GSE1: variants seen among roughly 807,000 people sequenced by gnomAD.
GSE1 encodes genetic suppressor element 1.
A neutral mutation model predicts 112.6 loss-of-function variants in GSE1; 32 were observed. The ratio of observed to expected loss-of-function variants is 0.28; its 90% CI spans 0.21 to 0.38. The LOEUF (loss-of-function observed/expected upper bound fraction) is 0.38. Among genes scored for constraint, GSE1 ranks in the 10% least tolerant of loss-of-function variants. GSE1 has a pLI of 1.00. For synonymous variants in GSE1, 1,115 were observed against 735.6 expected (o/e 1.52, Z -8.35); for missense variants, 2,348 against 1,699.2 (o/e 1.38, Z -6.71).
intron 2 of GSE1, among the ~76,000 whole-genome samples, chr16:85,538,201 G>T (rs760598109): frequency 6.6e-6 from 1 of 152,202 alleles, no homozygotes; most frequent in Non-Finnish European, 1.5e-5. Context: ...GTGGCCGCCC[G>T]GCTGGCCCGC....
chr16:85,614,167 T>G (rs562075470), intron 1 of GSE1, among the ~76,000 whole-genome samples: 1 of 130,378 alleles, frequency 7.7e-6, no homozygotes, highest in Non-Finnish European at 1.6e-5. Context: ...CCACCCGCAC[T>G]GGCCTTTTTC....
chr16:85,402,493 G>A (rs972798311), intron 2 of GSE1, among the ~76,000 whole-genome samples: 2 of 152,238 alleles, frequency 1.3e-5, no homozygotes, highest in African/African-American at 4.8e-5. Flanking sequence ...TGAGGCTGGA[G>A]ATGGGAGAGT....
intron 1 of GSE1, among the ~76,000 whole-genome samples, chr16:85,300,636 C>T (rs111465984): frequency 0.031 from 4,675 of 152,286 alleles, 230 homozygotes; most frequent in African/African-American, 0.1. Context: ...CCTCTCTCGC[C>T]GAGGAATAGT....
intron 1 of GSE1, among the ~76,000 whole-genome samples, chr16:85,624,916 C>T (rs1320548232): frequency 6.6e-6 from 1 of 152,216 alleles, no homozygotes; most frequent in Non-Finnish European, 1.5e-5. Flanking sequence ...GCCCCAGCGG[C>T]CTGTGTCACT....
chr16:85,371,639 CT>C (rs1399186864), intron 2 of GSE1, among the ~76,000 whole-genome samples: 1 of 152,196 alleles, frequency 6.6e-6, no homozygotes, highest in East Asian at 1.9e-4. Context: ...GCTGGCACCC[CT>C]ATTGTACTGT....
At chr16:85,619,221 C>T (rs569553332) in intron 1 of GSE1, among the ~76,000 whole-genome samples, 18 of 152,302 alleles carry the variant, frequency 1.2e-4, no homozygotes, top group Middle Eastern at 3.4e-3. Context: ...GCCCAGGTGG[C>T]GGGAGATGCT....
chr16:85,305,421 A>G (rs1349190538), intron 1 of GSE1, among the ~76,000 whole-genome samples: 1 of 151,834 alleles, frequency 6.6e-6, no homozygotes, highest in Non-Finnish European at 1.5e-5. Flanking sequence ...AAGTGCTTGG[A>G]TTGCAGGCAT....
intron 1 of GSE1, among the ~76,000 whole-genome samples, chr16:85,588,791 C>G (rs114143921): frequency 0.013 from 2,029 of 152,238 alleles, 35 homozygotes; most frequent in African/African-American, 0.045. Context: ...GGCCCGGGGA[C>G]GCTGGAGGGC....
chr16:85,448,520 G>C (rs1243768387), intron 2 of GSE1, among the ~76,000 whole-genome samples: 2 of 152,220 alleles, frequency 1.3e-5, no homozygotes, highest in African/African-American at 4.8e-5. Context: ...GTGGACATGA[G>C]ACTGAGAGAT....
At chr16:85,618,811 C>T (rs1388256670) in intron 1 of GSE1, among the ~76,000 whole-genome samples, 7 of 152,174 alleles carry the variant, frequency 4.6e-5, no homozygotes, top group East Asian at 1.9e-4. Context: ...ATGCGTGCCG[C>T]GACACCTGGC....
At chr16:85,243,453 C>T (rs898720878) in intron 1 of GSE1, among the ~76,000 whole-genome samples, 4 of 152,212 alleles carry the variant, frequency 2.6e-5, no homozygotes, top group Non-Finnish European at 4.4e-5. Context: ...CCTGGCATCC[C>T]GGCCTGTGTT....
intron 2 of GSE1, among the ~76,000 whole-genome samples, chr16:85,435,727 A>AAATT (rs2049232014): frequency 1.3e-5 from 2 of 151,996 alleles, no homozygotes; most frequent in South Asian, 2.1e-4. Flanking sequence ...CCCTCTCCTG[A>AAATT]CGTCTCCACG....
intron 1 of GSE1, among the ~76,000 whole-genome samples, chr16:85,197,227 C>T (rs976419709): frequency 3.3e-5 from 5 of 152,006 alleles, no homozygotes; most frequent in Non-Finnish European, 7.4e-5. Context: ...TGGGGATCCA[C>T]GTGGGAAGGG....
intron 2 of GSE1, among the ~76,000 whole-genome samples, chr16:85,469,334 G>T (rs1376832167): frequency 6.6e-6 from 1 of 152,172 alleles, no homozygotes; most frequent in East Asian, 1.9e-4. Flanking sequence ...CAGACACAGG[G>T]GCGGCCACGT....
Position 85,495,567 on chromosome 16 carries a change from G to A in GSE1, c.2464+137924G>A, listed in dbSNP as rs1043500751. On this transcript the variant is annotated intron_variant, in intron 2 of 2. Coordinates refer to the GSE1 transcript ENST00000637419. The stretch of plus-strand genomic sequence containing the variant: ...GCTGGGGTGCAGTGGTGGGATCTCA[G>A]CTCCCTGCAGCCTCTACCTCCAGGG... 3.3e-5 allele frequency among the ~76,000 whole-genome samples: 5 copies of A among 151,984 alleles called. No homozygotes were observed. The East Asian group carries it at 9.7e-4, about 29-fold the overall frequency.
chr16:85,357,427 G>T (rs535845149), intron 1 of GSE1: 1 of 1,170,102 alleles, frequency 8.5e-7, no homozygotes, highest in African/African-American at 1.6e-5. Flanking sequence ...TGCAGGCATG[G>T]CCCAGGCTCA....
At chr16:85,223,387 A>G (rs2075427076) in intron 1 of GSE1, among the ~76,000 whole-genome samples, 1 of 151,784 alleles carries the variant, frequency 6.6e-6, no homozygotes, top group Non-Finnish European at 1.5e-5. Flanking sequence ...ACTGAGTGTA[A>G]TGTCCTGAGC....
upstream of GSE1, among the ~76,000 whole-genome samples, chr16:85,609,540 C>A (rs2047870828): frequency 6.6e-6 from 1 of 152,220 alleles, no homozygotes; most frequent in Non-Finnish European, 1.5e-5. Context: ...TTCAAGGCGT[C>A]CCTTTCTTTC....
At chr16:85,568,391 A>T (rs1234232397) in intron 1 of GSE1, among the ~76,000 whole-genome samples, 1 of 152,224 alleles carries the variant, frequency 6.6e-6, no homozygotes, top group Admixed American at 6.5e-5. Context: ...TTGTCTCTGA[A>T]AATAAGGGTG....
Sources: gnomAD v4.1 joint callset for allele counts (sites outside exome capture counted in the v4.1 genomes callset) on GRCh38, gnomAD v4.1.1 for gene constraint, MANE v1.5 for transcripts, NCBI Gene and HGNC (gene_info 2026-07-23, HGNC 2026-07-21) for gene names.